The following SGCZ variants were observed in gnomAD, a reference collection of about 807,000 sequenced individuals.
SGCZ encodes the protein zeta-sarcoglycan.
SGCZ carries 40 observed loss-of-function variants against 41.3 expected under a neutral mutation model. That is an observed-to-expected ratio of 0.97 (90% CI 0.75 to 1.26). The LOEUF is 1.26. SGCZ is among the 50% of genes most tolerant of loss of function. The pLI is 0.00. For synonymous variants in SGCZ, 206 were observed against 137.5 expected, an observed-to-expected ratio of 1.50 and a Z score of -3.49; for missense variants, 552 against 369.8, an observed-to-expected ratio of 1.49 and a Z score of -4.04.
intron 3 of SGCZ, among the ~76,000 whole-genome samples, chr8:14,273,353 A>G (rs1449261153): frequency 1.3e-5 from 2 of 152,108 alleles, no homozygotes; most frequent in African/African-American, 2.4e-5. Flanking sequence ...AAATGTGTCT[A>G]GTTTTGAAAT....
At chr8:14,188,389 G>T (rs538056878) in intron 4 of SGCZ, among the ~76,000 whole-genome samples, 6 of 152,088 alleles carry the variant, frequency 3.9e-5, no homozygotes, top group African/African-American at 1.4e-4. Flanking sequence ...GCAGTGATAC[G>T]TACTGCAACA....
At chr8:14,969,953 T>C (rs1311789255) in intron 1 of SGCZ, among the ~76,000 whole-genome samples, 6 of 152,118 alleles carry the variant, frequency 3.9e-5, no homozygotes, top group East Asian at 1.9e-4. Flanking sequence ...TCCAAAGTGA[T>C]TGTACCCTTT....
chr8:14,899,725 G>A (rs1317793829), intron 1 of SGCZ, among the ~76,000 whole-genome samples: 1 of 151,916 alleles, frequency 6.6e-6, no homozygotes, highest in Admixed American at 6.6e-5. Flanking sequence ...GAGGGTAGAA[G>A]AATATACCAG....
At chr8:14,459,873 C>T (rs1469047249) in intron 2 of SGCZ, among the ~76,000 whole-genome samples, 1 of 151,840 alleles carries the variant, frequency 6.6e-6, no homozygotes, top group Non-Finnish European at 1.5e-5. Context: ...ACATATTTTA[C>T]AAAATAACTA....
At chr8:14,672,028 C>A (rs1220592530) in intron 1 of SGCZ, among the ~76,000 whole-genome samples, 3 of 152,038 alleles carry the variant, frequency 2.0e-5, no homozygotes, top group African/African-American at 7.2e-5. Flanking sequence ...ATAAAAATCA[C>A]AAATCTTAGC....
intron 1 of SGCZ, among the ~76,000 whole-genome samples, chr8:14,627,598 A>C (rs1409960161): frequency 6.6e-6 from 1 of 152,136 alleles, no homozygotes; most frequent in Non-Finnish European, 1.5e-5. Flanking sequence ...AATTTTTAGC[A>C]ATATATGGTT....
At chr8:14,552,567 A>T (rs1251069273) in intron 2 of SGCZ, among the ~76,000 whole-genome samples, 3 of 152,072 alleles carry the variant, frequency 2.0e-5, no homozygotes, top group Non-Finnish European at 4.4e-5. Flanking sequence ...CTATGGAAAC[A>T]ACCCCCTTTT....
intron 1 of SGCZ, among the ~76,000 whole-genome samples, chr8:14,645,523 T>C (rs1807185729): frequency 6.9e-6 from 1 of 144,778 alleles, no homozygotes; most frequent in African/African-American, 2.5e-5. Context: ...GCAATAATTA[T>C]GTTTATTTTA....
At chr8:15,151,098 G>A (rs61488093) in intron 1 of SGCZ, among the ~76,000 whole-genome samples, 4,508 of 152,346 alleles carry the variant, frequency 0.03, 147 homozygotes, top group African/African-American at 0.082. Context: ...ACACTTCGCT[G>A]GAGCGGCCTC....
rs144681158 is a variant in SGCZ at position 14,764,747 on chromosome 8, T to G, written c.40-209821A>C. On this transcript the variant is annotated intron_variant, in intron 1 of 7. Coordinates refer to ENST00000382080, the MANE Select transcript of SGCZ (RefSeq NM_139167.4). The stretch of plus-strand genomic sequence containing the variant: ...CCAAATCAAGAAGAATTAAAAACAA[T>G]TAGAAAAACTTAAATATGGTCTAAA... Among the ~76,000 whole-genome samples the G allele has an allele frequency of 4.6e-5, 7 of 152,260 alleles. No individual in the cohort carries two copies. In the East Asian group the frequency reaches 1.4e-3, roughly 29 times the overall value.
chr8:14,703,473 T>C (rs1809233943), intron 1 of SGCZ, among the ~76,000 whole-genome samples: 1 of 151,984 alleles, frequency 6.6e-6, no homozygotes, highest in African/African-American at 2.4e-5. Context: ...GGAGTCACTG[T>C]CAACACTCTC....
At chr8:14,454,899 C>T (rs1463956041) in intron 2 of SGCZ, among the ~76,000 whole-genome samples, 1 of 152,072 alleles carries the variant, frequency 6.6e-6, no homozygotes, top group African/African-American at 2.4e-5. Context: ...TAGGCATATA[C>T]ATGTAAAAAT....
chr8:14,728,814 T>G (rs997166100), intron 1 of SGCZ, among the ~76,000 whole-genome samples: 1 of 152,184 alleles, frequency 6.6e-6, no homozygotes. Flanking sequence ...CAAAGTTGAA[T>G]GCGTGTGGTG....
chr8:14,418,776 C>A (rs1329275000), intron 2 of SGCZ, among the ~76,000 whole-genome samples: 3 of 151,800 alleles, frequency 2.0e-5, no homozygotes, highest in Non-Finnish European at 2.9e-5. Flanking sequence ...CATTCTTTTC[C>A]ACTGATGGTT....
At chr8:14,888,262 G>A (rs964713785) in intron 1 of SGCZ, among the ~76,000 whole-genome samples, 4 of 152,100 alleles carry the variant, frequency 2.6e-5, no homozygotes, top group Non-Finnish European at 4.4e-5. Context: ...TCTCATGGGT[G>A]GAGTAAGAGA....
chr8:15,212,052 T>C (rs887134906), intron 1 of SGCZ, among the ~76,000 whole-genome samples: 1 of 152,116 alleles, frequency 6.6e-6, no homozygotes, highest in Admixed American at 6.6e-5. Flanking sequence ...TACTCAGACG[T>C]TCGTGAATAG....
chr8:14,114,613 T>C (rs1349043171), intron 5 of SGCZ, among the ~76,000 whole-genome samples: 2 of 151,936 alleles, frequency 1.3e-5, no homozygotes, highest in African/African-American at 2.4e-5. Context: ...ACTTAAACAG[T>C]GTCAGAAGAC....
At chr8:14,536,230 T>C (rs770180122) in intron 2 of SGCZ, among the ~76,000 whole-genome samples, 8 of 151,870 alleles carry the variant, frequency 5.3e-5, no homozygotes, top group Non-Finnish European at 1.2e-4. Flanking sequence ...CTGTGTCAAA[T>C]ATGGCATAGA....
intron 1 of SGCZ, among the ~76,000 whole-genome samples, chr8:15,023,561 A>C (rs892376972): frequency 6.6e-6 from 1 of 152,190 alleles, no homozygotes. Flanking sequence ...AATGTTTGCC[A>C]CCAGTCAACA....
Sources: gnomAD v4.1 joint callset for allele counts (sites outside exome capture counted in the v4.1 genomes callset) on GRCh38, gnomAD v4.1.1 for gene constraint, MANE v1.5 for transcripts, NCBI Gene and HGNC (gene_info 2026-07-23, HGNC 2026-07-21) for gene names.